EDIL3: variants seen among roughly 807,000 people sequenced by gnomAD.
EDIL3 encodes the protein EGF like and discoidin domains 3, also known as EGF-like repeat and discoidin I-like domain-containing protein 3.
Under a neutral mutation model 67.4 loss-of-function variants are expected in EDIL3, and 37 were observed. The ratio of observed to expected loss-of-function variants is 0.55; its 90% CI spans 0.42 to 0.72. The LOEUF is 0.72. EDIL3 is among the 30% of genes least tolerant of loss of function. EDIL3 has a pLI of 0.00. For synonymous variants in EDIL3, 195 were observed against 196.3 expected (o/e 0.99, Z 0.05); for missense variants, 527 against 586.3 (o/e 0.90, Z 1.04).
chr5:84,027,208 C>T (rs1745831127), intron 9 of EDIL3, among the ~76,000 whole-genome samples: 1 of 152,156 alleles, frequency 6.6e-6, no homozygotes, highest in Non-Finnish European at 1.5e-5. Context: ...AAGACATTAC[C>T]ATGGAGAACA....
intron 1 of EDIL3, among the ~76,000 whole-genome samples, chr5:84,369,452 A>G (rs568978696): frequency 3.3e-4 from 50 of 152,274 alleles, no homozygotes; most frequent in African/African-American, 1.2e-3. Flanking sequence ...TGAACCTTGA[A>G]GACATTATGC....
chr5:84,027,624 A>G (rs1477899216), intron 9 of EDIL3, among the ~76,000 whole-genome samples: 3 of 148,230 alleles, frequency 2.0e-5, no homozygotes, highest in African/African-American at 7.4e-5. Flanking sequence ...AAATTTGGGA[A>G]AATAGGGACA....
At chr5:84,086,358 A>G (rs1429963948) in intron 6 of EDIL3, among the ~76,000 whole-genome samples, 1 of 152,218 alleles carries the variant, frequency 6.6e-6, no homozygotes, top group African/African-American at 2.4e-5. Flanking sequence ...CGTAGTACCC[A>G]GGATGGGTAG....
chr5:84,368,924 C>T (rs927313442), intron 1 of EDIL3, among the ~76,000 whole-genome samples: 6 of 151,600 alleles, frequency 4.0e-5, no homozygotes, highest in African/African-American at 1.2e-4. Context: ...AAATGAGATA[C>T]CATTTTACAC....
chr5:84,325,626 C>A (rs967212484), intron 1 of EDIL3, among the ~76,000 whole-genome samples: 1 of 151,932 alleles, frequency 6.6e-6, no homozygotes, highest in African/African-American at 2.4e-5. Context: ...TCTGTTAATT[C>A]CACTTCTGAG....
intron 9 of EDIL3, among the ~76,000 whole-genome samples, chr5:83,997,144 G>A (rs1253666899): frequency 6.6e-6 from 1 of 152,166 alleles, no homozygotes; most frequent in Non-Finnish European, 1.5e-5. Flanking sequence ...TAGGGGAAAT[G>A]TGCAGTAGTT....
intron 3 of EDIL3, among the ~76,000 whole-genome samples, chr5:84,188,086 C>G (rs1743501879): frequency 1.3e-5 from 2 of 151,806 alleles, no homozygotes; most frequent in South Asian, 2.1e-4. Context: ...TCCCGCCCCC[C>G]CTTAAAACCT....
intron 9 of EDIL3, among the ~76,000 whole-genome samples, chr5:84,027,753 T>C (rs1745842040): frequency 6.6e-6 from 1 of 151,846 alleles, no homozygotes; most frequent in Admixed American, 6.6e-5. Flanking sequence ...AAAAAACTGA[T>C]AGTGTAATTA....
chr5:84,112,803 A>G (rs2112289700), intron 5 of EDIL3, among the ~76,000 whole-genome samples: 1 of 152,332 alleles, frequency 6.6e-6, no homozygotes, highest in Admixed American at 6.5e-5. Context: ...GCAAGCTTCA[A>G]TTTCAGTGAA....
intron 9 of EDIL3, among the ~76,000 whole-genome samples, chr5:84,001,233 A>G (rs1020609933): frequency 2.6e-4 from 39 of 151,858 alleles, no homozygotes; most frequent in African/African-American, 8.5e-4. Flanking sequence ...ATTTTTAGTA[A>G]AGATGAGGTT....
chr5:84,144,273 CCTT>C (rs1748254148), intron 4 of EDIL3, among the ~76,000 whole-genome samples: 1 of 58,702 alleles, frequency 1.7e-5, no homozygotes, highest in Admixed American at 2.2e-4. Flanking sequence ...TTCCTCCTTT[CCTT>C]CCTTCCTTCC....
chr5:84,206,809 C>T (rs1195380982), intron 3 of EDIL3, among the ~76,000 whole-genome samples: 1 of 152,108 alleles, frequency 6.6e-6, no homozygotes, highest in East Asian at 1.9e-4. Context: ...ATGATTATCT[C>T]AATAGATGCA....
At chr5:84,151,127 CAT>C (rs1208635783) in intron 4 of EDIL3, among the ~76,000 whole-genome samples, 1 of 152,048 alleles carries the variant, frequency 6.6e-6, no homozygotes, top group Non-Finnish European at 1.5e-5. Flanking sequence ...TGTGTCAAAA[CAT>C]ATCATATTGT....
At chr5:84,077,201 T>A (rs1746878054) in intron 6 of EDIL3, among the ~76,000 whole-genome samples, 4 of 152,200 alleles carry the variant, frequency 2.6e-5, no homozygotes, top group Admixed American at 2.6e-4. Context: ...TCACCACTGT[T>A]TGTGGCATCA....
At chr5:84,266,307 A>G (rs1745345575) in intron 1 of EDIL3, among the ~76,000 whole-genome samples, 1 of 152,166 alleles carries the variant, frequency 6.6e-6, no homozygotes, top group Admixed American at 6.5e-5. Flanking sequence ...ATTTGGTCCC[A>G]TCAGATCCTT....
At chr5:84,246,691 G>C (rs1049435144) in intron 2 of EDIL3, among the ~76,000 whole-genome samples, 2 of 152,136 alleles carry the variant, frequency 1.3e-5, no homozygotes, top group Non-Finnish European at 2.9e-5. Context: ...GACTGGGCTA[G>C]AGTGGCTTTT....
intron 6 of EDIL3, among the ~76,000 whole-genome samples, chr5:84,104,062 G>A (rs1372038668): frequency 6.6e-6 from 1 of 152,048 alleles, no homozygotes; most frequent in African/African-American, 2.4e-5. Context: ...CATGTCTTTT[G>A]CAGGAACATG....
intron 1 of EDIL3, among the ~76,000 whole-genome samples, chr5:84,353,212 A>G (rs1004451405): frequency 6.6e-6 from 1 of 152,150 alleles, no homozygotes; most frequent in Admixed American, 6.5e-5. Context: ...GCACCAACCA[A>G]TGTGAATAGC....
chr5:84,262,870 T>C (rs1745263293), intron 1 of EDIL3, among the ~76,000 whole-genome samples: 1 of 151,654 alleles, frequency 6.6e-6, no homozygotes, highest in Non-Finnish European at 1.5e-5. Context: ...GGGGTTTCAC[T>C]GTGTTGTACA....
Sources: gnomAD v4.1 joint callset for allele counts (sites outside exome capture counted in the v4.1 genomes callset) on GRCh38, gnomAD v4.1.1 for gene constraint, MANE v1.5 for transcripts, NCBI Gene and HGNC (gene_info 2026-07-23, HGNC 2026-07-21) for gene names.